The following BRF1 variants were observed in gnomAD, a reference collection of about 807,000 sequenced individuals.
The protein encoded by BRF1 is transcription factor IIIB 90 kDa subunit.
BRF1 carries 59 observed loss-of-function variants against 81.7 expected under a neutral mutation model. The ratio of observed to expected loss-of-function variants is 0.72; its 90% confidence interval spans 0.59 to 0.90. The LOEUF is 0.90. Ranked by LOEUF, BRF1 falls within the 40% of genes least tolerant of loss-of-function variation. The probability of loss-of-function intolerance (pLI) is 0.00; values close to 1 mark genes in which losing one functional copy is unlikely to be tolerated. For synonymous variants in BRF1, 491 were observed against 395.6 expected (o/e 1.24, Z -2.86); for missense variants, 1,050 against 936.3 (o/e 1.12, Z -1.58).
chr14:105,248,191 G>A, intron 5 of BRF1: 1 of 985,522 alleles, frequency 1.0e-6, no homozygotes, highest in Non-Finnish European at 1.2e-6. Context: ...GGCGTCCGTA[G>A]CAAGCTAAAT....
chr14:105,314,599 G>T (rs1163339956), intron 1 of BRF1: 1 of 144,604 alleles, frequency 6.9e-6, no homozygotes, highest in Non-Finnish European at 1.5e-5. Context: ...GCGCTGCGCC[G>T]GCGGCGATTG....
chr14:105,272,930 T>G (rs1322592506), intron 2 of BRF1, 36 bp from the exon 3 acceptor site: 1 of 1,544,120 alleles, frequency 6.5e-7, no homozygotes, highest in South Asian at 1.2e-5. Flanking sequence ...TAGCCAAATG[T>G]TCCCACAGAA....
At chr14:105,268,736 C>T (rs1252602305) in intron 3 of BRF1, among the ~76,000 whole-genome samples, 1 of 152,200 alleles carries the variant, frequency 6.6e-6, no homozygotes, top group Non-Finnish European at 1.5e-5. Context: ...CACCCCACAA[C>T]GTAAGCTCAC....
intron 1 of BRF1, among the ~76,000 whole-genome samples, chr14:105,290,934 T>C (rs587618214): frequency 6.6e-6 from 1 of 152,072 alleles, no homozygotes; most frequent in Admixed American, 6.6e-5. Context: ...AGGACACATG[T>C]GGACAGTGTG....
At chr14:105,227,193 AG>A (rs1893251509) in intron 7 of BRF1, 2 of 195,788 alleles carry the variant, frequency 1.0e-5, no homozygotes, top group South Asian at 9.1e-5. Context: ...CCGAAGTGGT[AG>A]GATCACCTGA....
intron 10 of BRF1, among the ~76,000 whole-genome samples, chr14:105,225,647 A>AT (rs1892966642): frequency 7.6e-6 from 1 of 131,686 alleles, no homozygotes; most frequent in Non-Finnish European, 1.6e-5. Flanking sequence ...GGAAACTTAC[A>AT]TTCTTTTTTT....
rs1304027177 is a variant in BRF1, at chr14:105,211,127, C to T, written c.1991G>A (p.Ser664Asn). The T allele has an allele frequency of 5.6e-6, 9 of 1,612,642 alleles. No individual in the cohort carries two copies. The highest frequency in any genetic ancestry group is 7.6e-6 in the Non-Finnish European group (9 of 1,179,946). Residue 664 changes from serine to asparagine, a missense_variant, in exon 17 of 18, where the codon AGC (serine) becomes AAC (asparagine). Around this residue, in one of 2 missense-constraint regions of BRF1, gnomAD observed 1,043 missense variants for 915.4 expected, o/e 1.14. Transcript: ENST00000547530. ...TGTTGTCGGGCCCCACCCACCGTTG[C>T]TGCCCATCATCTGCAGGGCACTGAC... ...PCVSALQMMG[S>N]NDYGCDGDED... is the part of the protein sequence containing the mutation.
At chr14:105,300,005 G>A (rs2057923136) in intron 1 of BRF1, among the ~76,000 whole-genome samples, 1 of 152,236 alleles carries the variant, frequency 6.6e-6, no homozygotes, top group Non-Finnish European at 1.5e-5. Flanking sequence ...GCCCATCACT[G>A]AAACGTCCCC....
intron 10 of BRF1, 95 bp from the exon 11 acceptor site, chr14:105,222,009 T>G: frequency 6.9e-7 from 1 of 1,447,676 alleles, no homozygotes; most frequent in Non-Finnish European, 9.1e-7. Context: ...AGGTAACCCA[T>G]AGAACGGCTG....
upstream of BRF1, among the ~76,000 whole-genome samples, chr14:105,303,495 G>A (rs903196347): frequency 7.2e-5 from 11 of 152,126 alleles, no homozygotes; most frequent in African/African-American, 2.7e-4. Context: ...CACCTGTCTC[G>A]CCCTCCCAAA....
At chr14:105,224,147 T>A (rs1892726850) in intron 10 of BRF1, among the ~76,000 whole-genome samples, 1 of 152,224 alleles carries the variant, frequency 6.6e-6, no homozygotes, top group South Asian at 2.1e-4. Context: ...GGTGGACAGA[T>A]CACTTGAGGT....
rs758494491 is a variant in BRF1, at chr14:105,219,137, C to T, written c.1459+14G>A. 38 of 1,612,270 alleles carry T rather than the reference C, an allele frequency of 2.4e-5. No homozygotes were observed. The highest frequency in any genetic ancestry group is 4.0e-5 in the African/African-American group (3 of 74,920). On this transcript the variant is annotated intron_variant, in intron 13 of 17. Coordinates refer to ENST00000547530, the MANE Select transcript of BRF1 (RefSeq NM_001519.4). ...TGTGCGTCCTGCGTGTGAGTGTGGG[C>T]GGGTGGCGCTTACCCCTCTGTTCCC... is the stretch of plus-strand genomic sequence containing the variant.
At chr14:105,220,893 C>G (rs1892176578) in intron 11 of BRF1, among the ~76,000 whole-genome samples, 1 of 152,256 alleles carries the variant, frequency 6.6e-6, no homozygotes, top group Non-Finnish European at 1.5e-5. Context: ...TGCTCAGGGT[C>G]ACTGTGCCGC....
intron 3 of BRF1, among the ~76,000 whole-genome samples, chr14:105,257,442 C>T (rs2055935245): frequency 6.6e-6 from 1 of 152,210 alleles, no homozygotes; most frequent in African/African-American, 2.4e-5. Context: ...CTGGAGGCCC[C>T]TGACCTCTCT....
intron 15 of BRF1, among the ~76,000 whole-genome samples, chr14:105,216,302 G>A (rs1566798628): frequency 6.6e-6 from 1 of 152,212 alleles, no homozygotes; most frequent in African/African-American, 2.4e-5. Context: ...CGCTGACAGA[G>A]GCTGGCTAGG....
At chr14:105,270,658 G>A (rs2056616890) in intron 3 of BRF1, among the ~76,000 whole-genome samples, 1 of 152,010 alleles carries the variant, frequency 6.6e-6, no homozygotes, top group African/African-American at 2.4e-5. Flanking sequence ...AGGTATGGTG[G>A]TGCACACCTG....
chr14:105,289,033 C>T (rs2057419307), intron 1 of BRF1, among the ~76,000 whole-genome samples: 1 of 124,258 alleles, frequency 8.0e-6, no homozygotes, highest in Admixed American at 8.0e-5. Context: ...AAGACCCTGT[C>T]TCAAAAAAAA....
At chr14:105,299,481 A>G (rs1405700535) in intron 1 of BRF1, among the ~76,000 whole-genome samples, 1 of 152,164 alleles carries the variant, frequency 6.6e-6, no homozygotes, top group Non-Finnish European at 1.5e-5. Context: ...AGGTTGAGGC[A>G]GGAGAATTGC....
In BRF1 at chr14:105,210,465, G is replaced by C. The variant is rs1889932318; in HGVS notation, c.*86C>G. Reference sequence around the variant, plus strand: ...ACCAGGAGTCTCGGCGCTGGGGCCTGCCTGCTGCGGTCCTGGAAGCCCGTC... The same window carrying C: ...ACCAGGAGTCTCGGCGCTGGGGCCTCCCTGCTGCGGTCCTGGAAGCCCGTC... On this transcript the variant is annotated 3_prime_UTR_variant, in exon 18 of 18. Transcript: ENST00000547530. The surrounding 1 kb of genome is among the most constrained non-coding windows in gnomAD (Gnocchi z 4.7). The C allele has an allele frequency of 3.3e-6, 5 of 1,511,348 alleles. No individual in the cohort carries two copies. Among genetic ancestry groups the C allele is most frequent in the Non-Finnish European group, 3.6e-6 (4 of 1,109,896 alleles). 93.6% of individuals were successfully genotyped at this position (1,511,348 alleles called of 1,614,324 possible). A position where few individuals can be genotyped will look rare whatever the true frequency, so the allele number is the denominator to read the frequency against.
Sources: gnomAD v4.1 joint callset for allele counts (sites outside exome capture counted in the v4.1 genomes callset) on GRCh38, gnomAD v4.1.1 for gene constraint, gnomAD v4.1.1 regional missense constraint, Gnocchi (gnomAD v3.1) non-coding constraint, MANE v1.5 for transcripts, NCBI Gene and HGNC (gene_info 2026-07-23, HGNC 2026-07-21) for gene names.